The following PSD3 variants were observed in gnomAD, a reference collection of about 807,000 sequenced individuals.
PSD3 encodes PH and SEC7 domain-containing protein 3.
In PSD3, 49 loss-of-function variants were observed where a neutral mutation model predicts 105.5. That is an observed-to-expected ratio of 0.46 (90% CI 0.37 to 0.59). PSD3 has a LOEUF of 0.59. Among genes scored for constraint, PSD3 ranks in the 20% least tolerant of loss-of-function variants. The pLI is 0.00. For missense variants in PSD3, 1,561 were observed against 1,263.8 expected (o/e 1.24, Z -3.57); for synonymous variants, 557 against 457.8 (o/e 1.22, Z -2.77).
chr8:18,796,374 C>CATT (rs1387629748), intron 8 of PSD3, among the ~76,000 whole-genome samples: 4 of 152,118 alleles, frequency 2.6e-5, no homozygotes, highest in African/African-American at 4.8e-5. Context: ...CTTCCATGAA[C>CATT]ATTGTCTCAT....
At chr8:18,813,610 A>C (rs1189195105) in intron 4 of PSD3, among the ~76,000 whole-genome samples, 1 of 152,216 alleles carries the variant, frequency 6.6e-6, no homozygotes, top group African/African-American at 2.4e-5. Flanking sequence ...GTGAGTGTTC[A>C]GTTTGCCAGC....
intron 2 of PSD3, among the ~76,000 whole-genome samples, chr8:18,901,160 C>T (rs2131179): frequency 6.6e-6 from 1 of 152,240 alleles, no homozygotes; most frequent in South Asian, 2.1e-4. Flanking sequence ...TGTCACAACT[C>T]TTGTTCATTT....
At chr8:18,539,547 C>CT (rs547299808) in intron 15 of PSD3, among the ~76,000 whole-genome samples, 1,660 of 133,842 alleles carry the variant, frequency 0.012, 17 homozygotes, top group East Asian at 0.022. Flanking sequence ...TAGTAAATTA[C>CT]TTTTTTTTTT....
intron 1 of PSD3, among the ~76,000 whole-genome samples, chr8:18,984,373 C>G (rs1464281433): frequency 1.3e-5 from 2 of 151,972 alleles, no homozygotes; most frequent in Non-Finnish European, 2.9e-5. Flanking sequence ...AACATAATGT[C>G]TTTACATTAT....
chr8:18,753,456 A>G (rs1805769097), intron 9 of PSD3, among the ~76,000 whole-genome samples: 1 of 152,114 alleles, frequency 6.6e-6, no homozygotes, highest in Admixed American at 6.5e-5. Flanking sequence ...TTATCCAGAA[A>G]ATACTTCCTT....
At chr8:18,810,329 C>T (rs1444662664) in intron 4 of PSD3, among the ~76,000 whole-genome samples, 1 of 152,176 alleles carries the variant, frequency 6.6e-6, no homozygotes, top group Non-Finnish European at 1.5e-5. Flanking sequence ...CACTGTCTTC[C>T]ATGCTATGCT....
At chr8:18,616,654 C>G (rs1330994889) in intron 11 of PSD3, among the ~76,000 whole-genome samples, 1 of 116,464 alleles carries the variant, frequency 8.6e-6, no homozygotes, top group African/African-American at 3.3e-5. Flanking sequence ...GACGGAGTCT[C>G]GCTCTGTCGC....
intron 11 of PSD3, among the ~76,000 whole-genome samples, chr8:18,608,341 G>C (rs1279770903): frequency 6.6e-6 from 1 of 152,232 alleles, no homozygotes; most frequent in Admixed American, 6.5e-5. Context: ...CAGTCTCTGA[G>C]TATCAGCTCT....
intron 1 of PSD3, among the ~76,000 whole-genome samples, chr8:18,958,948 T>C (rs1282672345): frequency 4.1e-5 from 6 of 146,564 alleles, no homozygotes; most frequent in African/African-American, 7.6e-5. Context: ...TGAGACGGAG[T>C]CTTGTTCTGT....
intron 2 of PSD3, among the ~76,000 whole-genome samples, chr8:18,898,004 C>G (rs908915569): frequency 6.6e-6 from 1 of 152,074 alleles, no homozygotes; most frequent in African/African-American, 2.4e-5. Flanking sequence ...TTGTCTTGTT[C>G]CAGAGCTAGA....
intron 9 of PSD3, among the ~76,000 whole-genome samples, chr8:18,742,222 A>T (rs2129434849): frequency 6.6e-6 from 1 of 152,342 alleles, no homozygotes; most frequent in East Asian, 1.9e-4. Context: ...GAAACCTGGT[A>T]TACTTTGCTT....
chr8:18,564,860 C>G (rs941353017), intron 14 of PSD3, among the ~76,000 whole-genome samples: 1 of 152,104 alleles, frequency 6.6e-6, no homozygotes, highest in Non-Finnish European at 1.5e-5. Flanking sequence ...GCGTGAGAAT[C>G]AAGCATAGGA....
chr8:18,922,514 T>C lies in PSD3; in HGVS notation c.130+13520A>G, dbSNP rs2129467454. 1.3e-5 allele frequency among the ~76,000 whole-genome samples: 2 copies of C among 152,274 alleles called. 1 individual carries two copies. The highest frequency in any genetic ancestry group is 4.1e-4 in the South Asian group (2 of 4,824). On this transcript the variant is annotated intron_variant, in intron 2 of 15. Coordinates refer to ENST00000327040, the MANE Select transcript of PSD3 (RefSeq NM_015310.4). ...TACACAGAAGACTTCTGTGACCAAA[T>C]GTTTTCCCCACAAACCGAGCAAGCA...
intron 1 of PSD3, among the ~76,000 whole-genome samples, chr8:18,986,991 C>T (rs950764480): frequency 1.3e-5 from 2 of 152,142 alleles, no homozygotes; most frequent in Admixed American, 6.5e-5. Context: ...TCAAGGTCAT[C>T]GCCAAGGTCT....
chr8:18,719,123 C>T (rs371167704), intron 9 of PSD3, among the ~76,000 whole-genome samples: 24 of 152,218 alleles, frequency 1.6e-4, no homozygotes, highest in African/African-American at 2.6e-4. Flanking sequence ...CGGATAGTCC[C>T]GCAGCCTGCT....
chr8:18,675,491 T>C (rs1312241880), intron 9 of PSD3, among the ~76,000 whole-genome samples: 1 of 152,188 alleles, frequency 6.6e-6, no homozygotes, highest in Non-Finnish European at 1.5e-5. Context: ...GGGCATTTCA[T>C]GTTGTAAAAC....
chr8:18,708,083 C>T (rs1802007498), intron 9 of PSD3, among the ~76,000 whole-genome samples: 1 of 152,124 alleles, frequency 6.6e-6, no homozygotes. Flanking sequence ...GCAGAGGTAC[C>T]CAGTCTGATC....
intron 2 of PSD3, among the ~76,000 whole-genome samples, chr8:18,914,650 G>T (rs1399265309): frequency 1.3e-5 from 2 of 152,100 alleles, no homozygotes; most frequent in Non-Finnish European, 2.9e-5. Context: ...GAATAAATCT[G>T]ACCAAGAGAG....
At chr8:18,874,390 G>A (rs1259193517) in intron 2 of PSD3, among the ~76,000 whole-genome samples, 1 of 151,858 alleles carries the variant, frequency 6.6e-6, no homozygotes, top group Admixed American at 6.6e-5. Context: ...TGGTCTCGAT[G>A]TCTTGACCTC....
Sources: gnomAD v4.1 joint callset for allele counts (sites outside exome capture counted in the v4.1 genomes callset) on GRCh38, gnomAD v4.1.1 for gene constraint, MANE v1.5 for transcripts, NCBI Gene and HGNC (gene_info 2026-07-23, HGNC 2026-07-21) for gene names.